PPP2R2A: variants seen among roughly 807,000 people sequenced by gnomAD.
PPP2R2A encodes serine/threonine-protein phosphatase 2A 55 kDa regulatory subunit B alpha isoform.
In PPP2R2A, 9 loss-of-function variants were observed where a neutral mutation model predicts 53.2. That is an observed-to-expected ratio of 0.17 (90% confidence interval 0.10 to 0.30). The LOEUF (loss-of-function observed/expected upper bound fraction) is 0.30, where lower values mean the gene tolerates loss of function less well. Ranked by LOEUF, PPP2R2A falls within the 10% of genes least tolerant of loss-of-function variation. The pLI, the probability that PPP2R2A is intolerant of heterozygous loss-of-function variation, is 1.00. For missense variants in PPP2R2A, 235 were observed against 534.6 expected, an observed-to-expected ratio of 0.44 and a Z score of 5.53; for synonymous variants, 169 against 174.2, an observed-to-expected ratio of 0.97 and a Z score of 0.23.
chr8:26,333,684 TGA>T (rs1013376019), intron 2 of PPP2R2A: 14 of 397,526 alleles, frequency 3.5e-5, no homozygotes, highest in Non-Finnish European at 5.2e-5. Flanking sequence ...ATTTTTATAC[TGA>T]GAGTTACATT....
intron 2 of PPP2R2A, among the ~76,000 whole-genome samples, chr8:26,294,073 T>A (rs1382855303): frequency 2.6e-5 from 4 of 152,208 alleles, no homozygotes; most frequent in Admixed American, 2.0e-4. Flanking sequence ...GATGCATTTT[T>A]ATGTTTGTAC....
intron 2 of PPP2R2A, among the ~76,000 whole-genome samples, chr8:26,302,091 G>A (rs1241886329): frequency 6.6e-6 from 1 of 152,192 alleles, no homozygotes. Context: ...TGGAGGAACA[G>A]CATTGGTGCA....
chr8:26,361,133 A>G lies in PPP2R2A; in HGVS notation c.619A>G (p.Ile207Val). Reference protein sequence around the residue: ...DLRINLWHLEITDRSFNIVDI... With the variant: ...DLRINLWHLEVTDRSFNIVDI... ...GCGGATTAATCTTTGGCATCTGGAA[A>G]TTACAGACAGGAGTTTTAGTATCCA... The change falls in exon 6 of 10, where the codon ATT becomes GTT. Residue 207 changes from isoleucine (I) to valine (V), a missense_variant. Around this residue, in one of 3 missense-constraint regions of PPP2R2A, gnomAD observed 181 missense variants for 409.9 expected, o/e 0.44. Coordinates refer to ENST00000380737, the MANE Select transcript of PPP2R2A (RefSeq NM_002717.4). The G allele has an allele frequency of 6.3e-7, 1 of 1,597,926 alleles. No individual in the cohort carries two copies. The highest frequency in any genetic ancestry group is 8.5e-7 in the Non-Finnish European group (1 of 1,175,780).
In PPP2R2A at chr8:26,303,611, G is replaced by C. The variant is rs148126812; in HGVS notation, c.82+9871G>C. 2.7e-3 allele frequency among the ~76,000 whole-genome samples: 418 copies of C among 152,284 alleles called. 5 individuals are homozygous for C. Among genetic ancestry groups the C allele is most frequent in the Non-Finnish European group, 5.0e-3 (337 of 68,018 alleles). On this transcript the variant is annotated intron_variant, in intron 2 of 9. Coordinates refer to ENST00000380737, the MANE Select transcript of PPP2R2A (RefSeq NM_002717.4). ...GAACAACATAATTATATTTTAAATA[G>C]TTAAATTTCCCATTCTAAGGATGTA...
chr8:26,368,921 G>A (rs551640029), intron 9 of PPP2R2A, among the ~76,000 whole-genome samples: 49 of 151,956 alleles, frequency 3.2e-4, no homozygotes, highest in Middle Eastern at 3.4e-3. Context: ...CCTGGCTAAC[G>A]TGGTGAAACC....
rs190191009 is a variant in PPP2R2A, at chr8:26,372,513, T to C, written c.*2100T>C. 1 of 152,322 alleles carries C rather than the reference T, an allele frequency of 6.6e-6. No homozygotes were observed. Among genetic ancestry groups the C allele is most frequent in the Admixed American group, 6.5e-5 (1 of 15,298 alleles). The allele number at this position is 152,322 out of a possible 1,614,324, so 9.4% of individuals were successfully genotyped here. Reference sequence around the variant, plus strand: ...TAGTTTATATATTTAAGAGAAATAATTGCTAAAATTAAAATGCCTCTATCA... The same window carrying C: ...TAGTTTATATATTTAAGAGAAATAACTGCTAAAATTAAAATGCCTCTATCA... On this transcript the variant is annotated 3_prime_UTR_variant, in exon 10 of 10. Transcript: ENST00000380737.
intron 2 of PPP2R2A, among the ~76,000 whole-genome samples, chr8:26,304,222 T>G (rs557491167): frequency 6.6e-6 from 1 of 152,216 alleles, no homozygotes; most frequent in East Asian, 1.9e-4. Flanking sequence ...TGAGATAATA[T>G]GGGAGGGATT....
At chr8:26,319,777 A>C (rs1017412508) in intron 2 of PPP2R2A, among the ~76,000 whole-genome samples, 3 of 152,190 alleles carry the variant, frequency 2.0e-5, no homozygotes, top group Non-Finnish European at 2.9e-5. Flanking sequence ...TAGGAATTAA[A>C]TCTTCCAATC....
Position 26,360,185 on chromosome 8 carries a change from A to G in PPP2R2A, c.363A>G (p.Leu121=). Residue 121 remains leucine (L), a synonymous_variant, in exon 5 of 10, where the codon TTA becomes TTG. Coordinates refer to ENST00000380737, the MANE Select transcript of PPP2R2A (RefSeq NM_002717.4). The surrounding 1 kb of genome is among the most constrained non-coding windows in gnomAD (Gnocchi z 4.5). ...TCTTCCCAGATAAAACAATAAAATT[A>G]TGGAAAATCAGTGAAAGGGACAAAA... The part of the protein sequence containing the change: ...LLSTNDKTIK[L]WKISERDKRP... 6.3e-7 allele frequency: 1 copy of G among 1,597,676 alleles called. No homozygotes were observed.
Position 26,338,923 on chromosome 8 carries a change from C to A in PPP2R2A, c.116C>A (p.Ser39Tyr). 1 of 1,603,522 alleles carries A rather than the reference C, an allele frequency of 6.2e-7. No homozygotes were observed. Among genetic ancestry groups the A allele is most frequent in the Non-Finnish European group, 8.5e-7 (1 of 1,170,970 alleles). ...ATTTCTACAGTAGAATTTAATCATTCTGGAGAATTACTAGCAACAGGAGAT... is the reference window on the plus strand; with the variant it reads ...ATTTCTACAGTAGAATTTAATCATTATGGAGAATTACTAGCAACAGGAGAT... ...DIISTVEFNHSGELLATGDKG... is the reference protein window; with the variant it reads ...DIISTVEFNHYGELLATGDKG... Residue 39 changes from serine to tyrosine, a missense_variant, in exon 3 of 10, where the codon TCT becomes TAT. Physicochemically the swap from Ser to Tyr is moderately radical, Grantham distance 144. Coordinates refer to ENST00000380737, the MANE Select transcript of PPP2R2A (RefSeq NM_002717.4). This position sits in a 1 kb window ranked among gnomAD's most constrained non-coding sequence, Gnocchi z 4.5.
chr8:26,335,247 C>T (rs1489145162), intron 2 of PPP2R2A, among the ~76,000 whole-genome samples: 1 of 152,140 alleles, frequency 6.6e-6, no homozygotes, highest in African/African-American at 2.4e-5. Context: ...TTTTATATGT[C>T]ATATTCCCAG....
rs988935217 is a variant in PPP2R2A at position 26,293,222 on chromosome 8, A to G, written c.8-444A>G. The G allele has an allele frequency of 4.6e-6, 7 of 1,535,286 alleles. No individual in the cohort carries two copies. The African/African-American group carries it at 8.2e-5, about 18-fold the overall frequency. ...CACTTTGGTGATAAGGTTCATATGA[A>G]TCATTACTCCTTACCCAGGCAGTAA... is the stretch of plus-strand genomic sequence containing the variant. On this transcript the variant is annotated intron_variant, in intron 1 of 9. Coordinates refer to ENST00000380737, the MANE Select transcript of PPP2R2A (RefSeq NM_002717.4).
Position 26,338,821 on chromosome 8 carries a change from T to TAA in PPP2R2A, c.83-68_83-67dup, listed in dbSNP as rs1803796740. ...ACTTGGAATGTTTGGGAAAACACGC[T>TAA]AAGTTCTGAAACTAGTGAGTCGGGA... On this transcript the variant is annotated intron_variant, in intron 2 of 9. Coordinates refer to ENST00000380737, the MANE Select transcript of PPP2R2A (RefSeq NM_002717.4). The surrounding 1 kb of genome is among the most constrained non-coding windows in gnomAD (Gnocchi z 4.5). The TAA allele has an allele frequency of 1.8e-6, 2 of 1,094,578 alleles. No homozygotes were observed. Among genetic ancestry groups the TAA allele is most frequent in the Admixed American group, 4.2e-5 (2 of 48,114 alleles). 67.8% of individuals were successfully genotyped at this position (1,094,578 alleles called of 1,614,324 possible).
intron 1 of PPP2R2A, 46 bp downstream of exon 1, chr8:26,291,872 T>G (rs777830025): frequency 6.2e-7 from 1 of 1,604,694 alleles, no homozygotes; most frequent in African/African-American, 1.3e-5. Flanking sequence ...ACCGCTTCCT[T>G]ATTCCTCCCT....
chr8:26,324,718 C>A (rs148054680), intron 2 of PPP2R2A, among the ~76,000 whole-genome samples: 1 of 152,086 alleles, frequency 6.6e-6, no homozygotes, highest in African/African-American at 2.4e-5. Flanking sequence ...CACCATGCCC[C>A]GGGAAAAGCT....
intron 2 of PPP2R2A, among the ~76,000 whole-genome samples, chr8:26,332,246 A>G (rs370079155): frequency 3.4e-4 from 52 of 151,880 alleles, no homozygotes; most frequent in African/African-American, 1.2e-3. Context: ...TATAATCCCA[A>G]CTGCTCAAGA....
Position 26,291,569 on chromosome 8 carries a change from T to TCGCTGTCGTAGTCGCCGC in PPP2R2A, c.-247_-230dup, listed in dbSNP as rs1479071217. ...GCCCCTGCCGCTGCCGCCGCCGCCG[T>TCGCTGTCGTAGTCGCCGC]CGCTGTCGTAGTCGCCGCCGCCGCT... is the stretch of plus-strand genomic sequence containing the variant. On this transcript the variant is annotated 5_prime_UTR_variant, in exon 1 of 10. Coordinates refer to ENST00000380737, the MANE Select transcript of PPP2R2A (RefSeq NM_002717.4). The TCGCTGTCGTAGTCGCCGC allele has an allele frequency of 9.5e-6, 5 of 527,526 alleles. No homozygotes were observed. The Admixed American group carries it at 1.9e-4, about 20-fold the overall frequency. 32.7% of individuals were successfully genotyped at this position (527,526 alleles called of 1,614,324 possible).
At chr8:26,333,844 C>A (rs1475789970) in intron 2 of PPP2R2A, among the ~76,000 whole-genome samples, 2 of 152,136 alleles carry the variant, frequency 1.3e-5, no homozygotes, top group East Asian at 3.8e-4. Context: ...CTTCCACTCA[C>A]AAAAGAAAGC....
intron 8 of PPP2R2A, among the ~76,000 whole-genome samples, chr8:26,364,724 C>A (rs757375161): frequency 7.9e-5 from 12 of 152,140 alleles, no homozygotes; most frequent in Non-Finnish European, 1.3e-4. Context: ...AGACAAAATA[C>A]TGCTTTGCTT....
Sources: gnomAD v4.1 joint callset for allele counts (sites outside exome capture counted in the v4.1 genomes callset) on GRCh38, gnomAD v4.1.1 for gene constraint, gnomAD v4.1.1 regional missense constraint, Gnocchi (gnomAD v3.1) non-coding constraint, MANE v1.5 for transcripts, NCBI Gene and HGNC (gene_info 2026-07-23, HGNC 2026-07-21) for gene names.